The following TAFA1 variants were observed in gnomAD, a reference collection of about 807,000 sequenced individuals.
The protein encoded by TAFA1 is TAFA chemokine like family member 1.
A neutral mutation model predicts 18.5 loss-of-function variants in TAFA1; 4 were observed. That is an observed-to-expected ratio of 0.22 (90% CI 0.11 to 0.49). The LOEUF (loss-of-function observed/expected upper bound fraction) is 0.49. TAFA1 is among the 20% of genes least tolerant of loss of function. TAFA1 has a pLI of 0.98. For missense variants in TAFA1, 147 were observed against 169.0 expected (o/e 0.87, Z 0.72); for synonymous variants, 56 against 55.2 (o/e 1.01, Z -0.06).
chr3:68,374,440 A>G (rs1313374078), intron 2 of TAFA1, among the ~76,000 whole-genome samples: 2 of 152,160 alleles, frequency 1.3e-5, no homozygotes, highest in Non-Finnish European at 2.9e-5. Flanking sequence ...ACTGTTATCT[A>G]TATATACTGA....
intron 2 of TAFA1, among the ~76,000 whole-genome samples, chr3:68,284,715 G>A (rs2067964176): frequency 6.6e-6 from 1 of 151,792 alleles, no homozygotes; most frequent in Non-Finnish European, 1.5e-5. Flanking sequence ...ATCATTTGAG[G>A]ACAAGAGTTC....
chr3:68,493,820 C>T (rs2072496243), intron 3 of TAFA1, among the ~76,000 whole-genome samples: 1 of 152,142 alleles, frequency 6.6e-6, no homozygotes, highest in Non-Finnish European at 1.5e-5. Flanking sequence ...ATGACGTTTT[C>T]CTGCCCCATT....
At chr3:68,418,828 A>G (rs1437877435) in intron 3 of TAFA1, among the ~76,000 whole-genome samples, 7 of 152,170 alleles carry the variant, frequency 4.6e-5, no homozygotes, top group African/African-American at 1.2e-4. Flanking sequence ...CCTCCCAACA[A>G]TTCTACAAAG....
At chr3:68,270,200 C>T (rs999759427) in intron 2 of TAFA1, among the ~76,000 whole-genome samples, 4 of 152,146 alleles carry the variant, frequency 2.6e-5, no homozygotes, top group African/African-American at 9.7e-5. Context: ...ACTGGAGCTC[C>T]AGCTTCATCA....
intron 3 of TAFA1, among the ~76,000 whole-genome samples, chr3:68,519,381 A>C (rs2106747092): frequency 6.6e-6 from 1 of 152,370 alleles, no homozygotes; most frequent in Non-Finnish European, 1.5e-5. Flanking sequence ...ATTGTGAAAA[A>C]TAAATTTCTG....
rs570056245 is a variant in TAFA1 at position 68,531,523 on chromosome 3, C to A, written c.260-7233C>A. Among the ~76,000 whole-genome samples the A allele has an allele frequency of 3.3e-5, 5 of 152,136 alleles. No homozygotes were observed. The South Asian group carries it at 1.0e-3, about 32-fold the overall frequency. On this transcript the variant is annotated intron_variant, in intron 3 of 4. Coordinates refer to ENST00000478136, the MANE Select transcript of TAFA1 (RefSeq NM_213609.4). ...GCGGGGCTGTCCACATGTGTAGTGACCCGCCAGCACTTGGGAAGTTGTGCT... is the reference window on the plus strand; with the variant it reads ...GCGGGGCTGTCCACATGTGTAGTGAACCGCCAGCACTTGGGAAGTTGTGCT...
intron 2 of TAFA1, among the ~76,000 whole-genome samples, chr3:68,287,798 A>G (rs986078448): frequency 2.0e-5 from 3 of 150,906 alleles, no homozygotes; most frequent in Admixed American, 1.3e-4. Flanking sequence ...AGCAAGGCCC[A>G]TTTGTGAAAT....
At chr3:68,010,353 A>G (rs1028088047) in intron 2 of TAFA1, among the ~76,000 whole-genome samples, 3 of 152,144 alleles carry the variant, frequency 2.0e-5, no homozygotes, top group African/African-American at 7.2e-5. Context: ...AGGTGAGTGG[A>G]ATTTGACGTG....
intron 3 of TAFA1, among the ~76,000 whole-genome samples, chr3:68,494,200 CAA>C (rs1335331801): frequency 1.3e-4 from 20 of 152,164 alleles, no homozygotes; most frequent in Non-Finnish European, 2.9e-4. Context: ...CTCCTGGGCT[CAA>C]GTGATTCTCC....
At chr3:68,221,857 C>A (rs897050613) in intron 2 of TAFA1, among the ~76,000 whole-genome samples, 3 of 151,952 alleles carry the variant, frequency 2.0e-5, no homozygotes, top group Non-Finnish European at 2.9e-5. Context: ...TCACATTTTG[C>A]AAAATAATTT....
chr3:68,082,831 A>G (rs949684821), intron 2 of TAFA1, among the ~76,000 whole-genome samples: 1 of 152,174 alleles, frequency 6.6e-6, no homozygotes, highest in Non-Finnish European at 1.5e-5. Context: ...TGTAAGACTA[A>G]ATGGAAGGAA....
intron 2 of TAFA1, among the ~76,000 whole-genome samples, chr3:68,237,291 C>G (rs192993879): frequency 1.3e-5 from 2 of 152,234 alleles, no homozygotes; most frequent in East Asian, 3.9e-4. Context: ...CGTAAAGGCA[C>G]TAGTCACATT....
intron 2 of TAFA1, among the ~76,000 whole-genome samples, chr3:68,400,897 G>A (rs2070474551): frequency 6.6e-6 from 1 of 152,150 alleles, no homozygotes; most frequent in African/African-American, 2.4e-5. Context: ...ACTGTGTCAG[G>A]TGTTCATCCA....
chr3:68,035,753 A>G (rs571763264), intron 2 of TAFA1, among the ~76,000 whole-genome samples: 1 of 152,362 alleles, frequency 6.6e-6, no homozygotes, highest in African/African-American at 2.4e-5. Context: ...GCGCTATTCA[A>G]TCACTAGGAA....
intron 2 of TAFA1, among the ~76,000 whole-genome samples, chr3:68,358,365 G>A (rs1451858008): frequency 1.3e-5 from 2 of 151,584 alleles, no homozygotes; most frequent in Non-Finnish European, 2.9e-5. Flanking sequence ...GTCAAATTCT[G>A]TACTAAGATA....
At chr3:68,267,924 G>A (rs1221977237) in intron 2 of TAFA1, among the ~76,000 whole-genome samples, 3 of 152,112 alleles carry the variant, frequency 2.0e-5, no homozygotes, top group Non-Finnish European at 4.4e-5. Context: ...GCTGCTAGAT[G>A]CTACTATAAA....
At chr3:68,459,974 C>G (rs770531799) in intron 3 of TAFA1, among the ~76,000 whole-genome samples, 3 of 152,114 alleles carry the variant, frequency 2.0e-5, no homozygotes, top group Non-Finnish European at 2.9e-5. Flanking sequence ...ATGAGGGAAA[C>G]GTGTTAAGGC....
At chr3:68,211,676 T>C (rs560668764) in intron 2 of TAFA1, among the ~76,000 whole-genome samples, 1 of 152,066 alleles carries the variant, frequency 6.6e-6, no homozygotes, top group Non-Finnish European at 1.5e-5. Context: ...AGCAGCATGG[T>C]GCTGGCATCT....
At chr3:68,513,806 G>A (rs1330921620) in intron 3 of TAFA1, among the ~76,000 whole-genome samples, 1 of 152,142 alleles carries the variant, frequency 6.6e-6, no homozygotes, top group African/African-American at 2.4e-5. Context: ...TGATAGTTTT[G>A]ACTACCATAC....
Sources: gnomAD v4.1 joint callset for allele counts (sites outside exome capture counted in the v4.1 genomes callset) on GRCh38, gnomAD v4.1.1 for gene constraint, MANE v1.5 for transcripts, NCBI Gene and HGNC (gene_info 2026-07-23, HGNC 2026-07-21) for gene names.